The following KCNH8 variants were observed in gnomAD, a reference collection of about 807,000 sequenced individuals.
KCNH8 encodes the protein voltage-gated delayed rectifier potassium channel KCNH8.
A neutral mutation model predicts 103.6 loss-of-function variants in KCNH8; 70 were observed. That is an observed-to-expected ratio of 0.68 (90% CI 0.56 to 0.82). The LOEUF is 0.82. Ranked by LOEUF, KCNH8 falls within the 40% of genes least tolerant of loss-of-function variation. The pLI is 0.00. For synonymous variants in KCNH8, 498 were observed against 489.4 expected (o/e 1.02, Z -0.23); for missense variants, 1,217 against 1,329.9 (o/e 0.92, Z 1.32).
intron 1 of KCNH8, among the ~76,000 whole-genome samples, chr3:19,232,250 G>A (rs766150655): frequency 6.6e-6 from 1 of 152,086 alleles, no homozygotes; most frequent in Admixed American, 6.5e-5. Context: ...ACTTGAATAC[G>A]TCATCTGTGC....
At chr3:19,243,140 TAAAC>T (rs778713207) in intron 1 of KCNH8, among the ~76,000 whole-genome samples, 11 of 152,216 alleles carry the variant, frequency 7.2e-5, no homozygotes, top group African/African-American at 2.4e-4. Flanking sequence ...AGCTGCTTAA[TAAAC>T]AAAAGCTATT....
In KCNH8 at chr3:19,194,337, A is replaced by G. The variant is rs1043500684; in HGVS notation, c.76+45542A>G. Among the ~76,000 whole-genome samples, 14 of 151,444 alleles carry G rather than the reference A, an allele frequency of 9.2e-5. No homozygotes were observed. The Admixed American group carries it at 9.3e-4, about 10-fold the overall frequency. On this transcript the variant is annotated intron_variant, in intron 1 of 15. Transcript: ENST00000328405. ...CTTTATTCCTTTTCTTTATTTGAGC[A>G]AGTGTTAGTAGATATTTTTCCTTTT...
intron 1 of KCNH8, among the ~76,000 whole-genome samples, chr3:19,185,721 T>A (rs1319598208): frequency 6.6e-6 from 1 of 151,946 alleles, no homozygotes; most frequent in Non-Finnish European, 1.5e-5. Context: ...TATGATTTAT[T>A]TGCTGGGGAT....
intron 11 of KCNH8, among the ~76,000 whole-genome samples, chr3:19,501,984 C>T (rs2068594496): frequency 6.6e-6 from 1 of 152,026 alleles, no homozygotes. Flanking sequence ...GTCAAATTGT[C>T]TCTGTTTGCA....
At chr3:19,226,704 G>T (rs1388800874) in intron 1 of KCNH8, among the ~76,000 whole-genome samples, 1 of 151,744 alleles carries the variant, frequency 6.6e-6, no homozygotes, top group Admixed American at 6.6e-5. Context: ...GGCTATTCAG[G>T]CTGTGCTCTG....
At position 19,370,974 on chromosome 3, in the gene KCNH8, G is replaced by A. The variant is rs2066083668; in HGVS notation, c.812-19507G>A. ...TTATGGCTGCATAGTATTCCATGGT[G>A]TATATGTGCCACATTTTCTTAATCC... On this transcript the variant is annotated intron_variant, in intron 5 of 15. Coordinates refer to ENST00000328405, the MANE Select transcript of KCNH8 (RefSeq NM_144633.3). 2.6e-5 allele frequency among the ~76,000 whole-genome samples: 4 copies of A among 152,194 alleles called. No individual in the cohort carries two copies. The South Asian group carries it at 8.3e-4, about 32-fold the overall frequency.
intron 5 of KCNH8, among the ~76,000 whole-genome samples, chr3:19,367,849 G>A (rs2066034310): frequency 6.6e-6 from 1 of 151,984 alleles, no homozygotes; most frequent in African/African-American, 2.4e-5. Flanking sequence ...TACAGGTTTT[G>A]GCGCTGGGCC....
intron 11 of KCNH8, among the ~76,000 whole-genome samples, chr3:19,489,439 T>C (rs917796579): frequency 2.6e-5 from 4 of 152,056 alleles, no homozygotes; most frequent in Non-Finnish European, 5.9e-5. Flanking sequence ...TATATGTATA[T>C]ACGGGAATTG....
intron 3 of KCNH8, among the ~76,000 whole-genome samples, chr3:19,298,776 G>C (rs376411120): frequency 7.9e-5 from 12 of 152,038 alleles, no homozygotes; most frequent in East Asian, 3.9e-4. Context: ...TAAAAAATTA[G>C]CCGGGCCTGG....
intron 11 of KCNH8, among the ~76,000 whole-genome samples, chr3:19,497,912 T>C (rs2068479191): frequency 7.3e-6 from 1 of 136,834 alleles, no homozygotes; most frequent in South Asian, 2.3e-4. Flanking sequence ...TTTATGAATC[T>C]GGGTGCTCCT....
intron 1 of KCNH8, among the ~76,000 whole-genome samples, chr3:19,231,023 C>G (rs1032934950): frequency 6.6e-6 from 1 of 152,038 alleles, no homozygotes; most frequent in Non-Finnish European, 1.5e-5. Flanking sequence ...AAATGGCTAA[C>G]ATACTATATC....
intron 3 of KCNH8, among the ~76,000 whole-genome samples, chr3:19,313,819 T>C (rs529347894): frequency 6.6e-6 from 1 of 152,078 alleles, no homozygotes; most frequent in South Asian, 2.1e-4. Flanking sequence ...CTTAAGGTCC[T>C]ATTCAGGAGA....
chr3:19,482,286 T>C (rs1167090023), intron 11 of KCNH8, among the ~76,000 whole-genome samples: 2 of 152,230 alleles, frequency 1.3e-5, no homozygotes, highest in Non-Finnish European at 2.9e-5. Context: ...CCGGGCTGTC[T>C]GCCTGTGGAT....
rs572103839 is a variant in KCNH8, at chr3:19,366,218, A to T, written c.811+18253A>T. On this transcript the variant is annotated intron_variant, in intron 5 of 15. Coordinates refer to ENST00000328405, the MANE Select transcript of KCNH8 (RefSeq NM_144633.3). ...CTTAATTTGATGGAGTAATTCAGATACTATAATATTCATATTGCATTATTG... is the reference window on the plus strand; with the variant it reads ...CTTAATTTGATGGAGTAATTCAGATTCTATAATATTCATATTGCATTATTG... Among the ~76,000 whole-genome samples the T allele has an allele frequency of 5.3e-5, 8 of 152,206 alleles. No homozygotes were observed. In the South Asian group the frequency reaches 1.7e-3, roughly 32 times the overall value.
At chr3:19,185,524 T>C (rs1224452364) in intron 1 of KCNH8, among the ~76,000 whole-genome samples, 1 of 151,932 alleles carries the variant, frequency 6.6e-6, no homozygotes, top group African/African-American at 2.4e-5. Context: ...CTTTACCAAA[T>C]GTAGGATTTG....
At chr3:19,483,734 A>G (rs1435375679) in intron 11 of KCNH8, among the ~76,000 whole-genome samples, 2 of 152,118 alleles carry the variant, frequency 1.3e-5, no homozygotes, top group Non-Finnish European at 2.9e-5. Context: ...TGAAACTAAG[A>G]TATTTACTCA....
At chr3:19,423,236 C>T (rs1014851831) in intron 7 of KCNH8, among the ~76,000 whole-genome samples, 11 of 151,956 alleles carry the variant, frequency 7.2e-5, no homozygotes, top group Admixed American at 2.6e-4. Context: ...CTCAAAGCCT[C>T]GGTATCTTTT....
At chr3:19,364,013 A>G (rs2065978713) in intron 5 of KCNH8, among the ~76,000 whole-genome samples, 1 of 152,146 alleles carries the variant, frequency 6.6e-6, no homozygotes, top group Non-Finnish European at 1.5e-5. Context: ...ACATTCTGGT[A>G]TACCCTGACT....
intron 1 of KCNH8, among the ~76,000 whole-genome samples, chr3:19,163,495 A>G (rs1348594694): frequency 6.6e-6 from 1 of 152,098 alleles, no homozygotes; most frequent in East Asian, 1.9e-4. Flanking sequence ...TTTCAAAGCC[A>G]TTTGAACTAG....
Sources: gnomAD v4.1 joint callset for allele counts (sites outside exome capture counted in the v4.1 genomes callset) on GRCh38, gnomAD v4.1.1 for gene constraint, MANE v1.5 for transcripts, NCBI Gene and HGNC (gene_info 2026-07-23, HGNC 2026-07-21) for gene names.